LUC7L: variants seen among roughly 807,000 people sequenced by gnomAD.
The protein encoded by LUC7L is putative RNA-binding protein Luc7-like 1.
A neutral mutation model predicts 51.1 loss-of-function variants in LUC7L; 29 were observed. The ratio of observed to expected loss-of-function variants is 0.57; its 90% confidence interval spans 0.42 to 0.77. The LOEUF (loss-of-function observed/expected upper bound fraction) is 0.77, where lower values mean the gene tolerates loss of function less well. Among genes scored for constraint, LUC7L ranks in the 30% least tolerant of loss-of-function variants. LUC7L has a pLI of 0.00. For synonymous variants in LUC7L, 181 were observed against 180.7 expected (o/e 1.00, Z -0.01); for missense variants, 403 against 511.9 (o/e 0.79, Z 2.05).
intron 2 of LUC7L, among the ~76,000 whole-genome samples, chr16:225,135 C>G (rs1414514649): frequency 1.3e-5 from 2 of 152,202 alleles, no homozygotes; most frequent in East Asian, 1.9e-4. Flanking sequence ...TCTTCTGTAC[C>G]TTCTACTGGT....
intron 3 of LUC7L, among the ~76,000 whole-genome samples, chr16:214,015 G>T (rs372679725): frequency 6.7e-6 from 1 of 148,758 alleles, no homozygotes; most frequent in African/African-American, 2.5e-5. Flanking sequence ...TGCCTGGCTT[G>T]AGTTGAAATC....
At position 206,279 on chromosome 16, in the gene LUC7L, A is replaced by T. The variant is rs1203977; in HGVS notation, c.367-132T>A. The stretch of plus-strand genomic sequence containing the variant: ...GCTAAAGATCCACACTTAACAATGA[A>T]GGCATCCTTACTGCCAGCATTGAGA... On this transcript the variant is annotated intron_variant, in intron 4 of 9. Coordinates refer to ENST00000293872, the MANE Select transcript of LUC7L (RefSeq NM_201412.3). 3 of 844,830 alleles carry T rather than the reference A, an allele frequency of 3.6e-6. No individual in the cohort carries two copies. The Admixed American group carries it at 8.2e-5, about 23-fold the overall frequency. The allele number at this position is 844,830 out of a possible 1,614,324, so 52.3% of individuals were successfully genotyped here.
chr16:228,946 G>A (rs1186870951), intron 1 of LUC7L: 1 of 1,402,482 alleles, frequency 7.1e-7, no homozygotes, highest in South Asian at 1.2e-5. Context: ...AGCCCACGCT[G>A]ATTCCAGCCC....
intron 7 of LUC7L, 106 bp from the exon 8 acceptor site, chr16:190,676 TG>T: frequency 1.0e-6 from 1 of 985,492 alleles, no homozygotes; most frequent in Non-Finnish European, 1.6e-6. Flanking sequence ...GGTCACGAGC[TG>T]GAGACCAGCC....
At chr16:228,511 T>C (rs2050182779) in intron 1 of LUC7L, 3 of 1,225,076 alleles carry the variant, frequency 2.4e-6, no homozygotes, top group Non-Finnish European at 3.2e-6. Context: ...AAAGCACTTA[T>C]TCACCTATGA....
chr16:190,783 G>A (rs2048991348), intron 7 of LUC7L: 4 of 553,566 alleles, frequency 7.2e-6, no homozygotes, highest in South Asian at 5.0e-5. Context: ...AGGAGACTGA[G>A]GCAGGAAAAT....
intron 5 of LUC7L, among the ~76,000 whole-genome samples, chr16:202,071 G>T (rs1473984382): frequency 6.6e-6 from 1 of 151,912 alleles, no homozygotes; most frequent in African/African-American, 2.4e-5. Flanking sequence ...GTAAAGATGG[G>T]GTATCCCTAT....
intron 3 of LUC7L, 97 bp downstream of exon 3, chr16:220,552 T>A (rs767130331): frequency 1.1e-6 from 1 of 880,908 alleles, no homozygotes; most frequent in Non-Finnish European, 1.9e-6. Context: ...AACTACCTTA[T>A]TATTTTGCTT....
intron 3 of LUC7L, among the ~76,000 whole-genome samples, chr16:212,008 GA>G (rs1163947927): frequency 1.3e-5 from 2 of 152,148 alleles, no homozygotes; most frequent in African/African-American, 4.8e-5. Context: ...AAGAGCCGCA[GA>G]GGGGCCGGGC....
At chr16:220,926 G>A (rs778888641) in intron 2 of LUC7L, among the ~76,000 whole-genome samples, 179 bp from the exon 3 acceptor site, 3 of 152,166 alleles carry the variant, frequency 2.0e-5, no homozygotes, top group Admixed American at 1.3e-4. Context: ...TTTTACCATC[G>A]TGACTACGTG....
chr16:193,056 C>G (rs2049052933), intron 6 of LUC7L, 41 bp from the exon 7 acceptor site: 3 of 1,512,512 alleles, frequency 2.0e-6, no homozygotes. Flanking sequence ...GCAAGTTACA[C>G]AAACCAGAGT....
intron 7 of LUC7L, among the ~76,000 whole-genome samples, chr16:191,930 G>A (rs921685338): frequency 1.3e-5 from 2 of 152,164 alleles, no homozygotes; most frequent in African/African-American, 2.4e-5. Context: ...CCTGGACAAT[G>A]AGCTGTCTCC....
chr16:204,557 G>A (rs2049427657), intron 5 of LUC7L, among the ~76,000 whole-genome samples: 1 of 150,378 alleles, frequency 6.6e-6, no homozygotes, highest in Non-Finnish European at 1.5e-5. Flanking sequence ...TCGCACCACT[G>A]CACTCCAGCC....
rs774158254 is a variant in LUC7L at position 229,379 on chromosome 16, C to G, written c.-40G>C. The G allele has an allele frequency of 1.6e-5, 23 of 1,472,784 alleles. No homozygotes were observed. The African/African-American group carries it at 2.5e-4, about 16-fold the overall frequency. The allele number at this position is 1,472,784 out of a possible 1,614,324, so 91.2% of individuals were successfully genotyped here. The stretch of plus-strand genomic sequence containing the variant: ...GCGACGGGGTCGGCCGCGACGACTT[C>G]TCTCAGGCAGGCGGTGGCAGCGGCG... On this transcript the variant is annotated 5_prime_UTR_variant, in exon 1 of 10. Transcript: ENST00000293872.
chr16:198,326 T>C (rs113186640), intron 6 of LUC7L, among the ~76,000 whole-genome samples: 8,892 of 141,266 alleles, frequency 0.063, 286 homozygotes, highest in Middle Eastern at 0.076. Context: ...TGTCTTAGAG[T>C]CTTGAAGAAG....
intron 3 of LUC7L, 58 bp downstream of exon 3, chr16:220,591 G>A: frequency 7.9e-7 from 1 of 1,266,654 alleles, no homozygotes; most frequent in Non-Finnish European, 1.1e-6. Flanking sequence ...CATTTTTCTT[G>A]TTAGTTCAAT....
intron 5 of LUC7L, among the ~76,000 whole-genome samples, chr16:202,507 A>T (rs1212490819): frequency 6.6e-6 from 1 of 152,088 alleles, no homozygotes; most frequent in African/African-American, 2.4e-5. Flanking sequence ...TACGTACACA[A>T]ATATTTAGGG....
chr16:196,072 T>TA (rs2049140604), intron 6 of LUC7L, among the ~76,000 whole-genome samples: 1 of 151,666 alleles, frequency 6.6e-6, no homozygotes, highest in South Asian at 2.1e-4. Flanking sequence ...AATGCAGAGA[T>TA]ACACATTAAG....
intron 2 of LUC7L, among the ~76,000 whole-genome samples, chr16:221,162 G>A (rs2049954776): frequency 6.7e-6 from 1 of 148,824 alleles, no homozygotes; most frequent in South Asian, 2.1e-4. Context: ...TGGGATTACA[G>A]GCACGTGATA....
Sources: gnomAD v4.1 joint callset for allele counts (sites outside exome capture counted in the v4.1 genomes callset) on GRCh38, gnomAD v4.1.1 for gene constraint, MANE v1.5 for transcripts, NCBI Gene and HGNC (gene_info 2026-07-23, HGNC 2026-07-21) for gene names.